BBS9: variants seen among roughly 807,000 people sequenced by gnomAD.
The protein encoded by BBS9 is protein PTHB1.
In BBS9, 89 loss-of-function variants were observed where a neutral mutation model predicts 117.7. The observed-to-expected ratio is 0.76, with a 90% CI of 0.64 to 0.90. The LOEUF (loss-of-function observed/expected upper bound fraction) is 0.90, where lower values mean the gene tolerates loss of function less well. Among genes scored for constraint, BBS9 ranks in the 40% least tolerant of loss-of-function variants. The pLI, the probability that BBS9 is intolerant of heterozygous loss-of-function variation, is 0.00. For synonymous variants in BBS9, 379 were observed against 370.9 expected (o/e 1.02, Z -0.25); for missense variants, 982 against 1,042.2 (o/e 0.94, Z 0.80).
At chr7:33,596,189 A>T (rs765755307) in intron 21 of BBS9, among the ~76,000 whole-genome samples, 17 of 127,244 alleles carry the variant, frequency 1.3e-4, no homozygotes, top group South Asian at 8.4e-4. Flanking sequence ...AAAGTAAAAT[A>T]AAAAAAAAAA....
intron 19 of BBS9, among the ~76,000 whole-genome samples, chr7:33,429,672 T>C (rs1834154232): frequency 6.6e-6 from 1 of 151,836 alleles, no homozygotes; most frequent in African/African-American, 2.4e-5. Context: ...TAAATTTATT[T>C]ATTTATTTTT....
At chr7:33,312,593 T>C (rs1340206859) in intron 9 of BBS9, among the ~76,000 whole-genome samples, 1 of 152,228 alleles carries the variant, frequency 6.6e-6, no homozygotes, top group Non-Finnish European at 1.5e-5. Flanking sequence ...AAAGGCCTTA[T>C]GCACCTTTCA....
intron 21 of BBS9, among the ~76,000 whole-genome samples, chr7:33,572,401 A>G (rs1050957920): frequency 6.6e-6 from 1 of 152,190 alleles, no homozygotes. Context: ...TGCAATAAAC[A>G]TGGGAATGCA....
chr7:33,606,105 A>G (rs1319014505), downstream of BBS9: 4 of 152,060 alleles, frequency 2.6e-5, no homozygotes, highest in Admixed American at 2.0e-4. Flanking sequence ...AAAGTTGTTC[A>G]TGGTTTTTCT....
At chr7:33,431,845 G>C (rs1352928646) in intron 19 of BBS9, among the ~76,000 whole-genome samples, 1 of 152,138 alleles carries the variant, frequency 6.6e-6, no homozygotes, top group African/African-American at 2.4e-5. Context: ...CACCATGAAT[G>C]TTCATACTTT....
At chr7:33,592,806 A>G (rs146884244) in intron 21 of BBS9, among the ~76,000 whole-genome samples, 478 of 152,234 alleles carry the variant, frequency 3.1e-3, no homozygotes, top group African/African-American at 0.011. Context: ...TTGGGGAATG[A>G]ATAGCCACTT....
chr7:33,155,134 T>G (rs943993867), intron 3 of BBS9, among the ~76,000 whole-genome samples: 1 of 152,262 alleles, frequency 6.6e-6, no homozygotes, highest in Non-Finnish European at 1.5e-5. Context: ...ATACTTGTAA[T>G]AAAATTTCAG....
At chr7:33,219,945 A>G (rs1428785735) in intron 5 of BBS9, among the ~76,000 whole-genome samples, 1 of 152,034 alleles carries the variant, frequency 6.6e-6, no homozygotes, top group African/African-American at 2.4e-5. Context: ...CTGCAGCTTC[A>G]CTCCTGAGCT....
In BBS9 at chr7:33,410,987, C is replaced by T. The variant is rs1322248578; in HGVS notation, c.2115+22843C>T. 4.1e-5 allele frequency among the ~76,000 whole-genome samples: 6 copies of T among 147,662 alleles called. No homozygotes were observed. In the Admixed American group the frequency reaches 4.1e-4, roughly 10 times the overall value. The stretch of plus-strand genomic sequence containing the variant: ...TATATATATAATCTTGGCCACAGAC[C>T]ACAGAAGAACTTAAAATGTTGGTGT... On this transcript the variant is annotated intron_variant, in intron 19 of 22. Coordinates refer to ENST00000242067, the MANE Select transcript of BBS9 (RefSeq NM_198428.3).
intron 19 of BBS9, among the ~76,000 whole-genome samples, chr7:33,393,795 C>G (rs1827477873): frequency 6.6e-6 from 1 of 152,158 alleles, no homozygotes; most frequent in Non-Finnish European, 1.5e-5. Flanking sequence ...GCAGTTAGCC[C>G]TCTCTTGGCC....
At position 33,597,941 on chromosome 7, in the gene BBS9, C is replaced by A. The variant is rs1387463894; in HGVS notation, c.2522-6924C>A. Among the ~76,000 whole-genome samples, 3 of 151,372 alleles carry A rather than the reference C, an allele frequency of 2.0e-5. No individual in the cohort carries two copies. In the East Asian group the frequency reaches 5.8e-4, roughly 29 times the overall value. ...GTGATAAAATGCACGGTGTGCTGAGCGTGATGCTAGGTTTACATGATCTCA... is the reference window on the plus strand; with the variant it reads ...GTGATAAAATGCACGGTGTGCTGAGAGTGATGCTAGGTTTACATGATCTCA... On this transcript the variant is annotated intron_variant, in intron 21 of 22. Coordinates refer to ENST00000242067, the MANE Select transcript of BBS9 (RefSeq NM_198428.3).
chr7:33,554,107 A>G (rs1854902976), intron 21 of BBS9, among the ~76,000 whole-genome samples: 1 of 152,062 alleles, frequency 6.6e-6, no homozygotes, highest in Non-Finnish European at 1.5e-5. Flanking sequence ...CATTCAAAAG[A>G]CACATGGTCT....
chr7:33,399,718 G>T (rs1828599473), intron 19 of BBS9, among the ~76,000 whole-genome samples: 2 of 152,156 alleles, frequency 1.3e-5, no homozygotes, highest in Non-Finnish European at 2.9e-5. Flanking sequence ...CTGGGGTGAG[G>T]TTGTTGCCCA....
chr7:33,135,347 T>G (rs1396665034), intron 1 of BBS9, among the ~76,000 whole-genome samples: 1 of 152,250 alleles, frequency 6.6e-6, no homozygotes, highest in African/African-American at 2.4e-5. Flanking sequence ...TTTGACATAT[T>G]TTGAGTTAAT....
At chr7:33,318,604 T>G (rs1011730282) in intron 9 of BBS9, among the ~76,000 whole-genome samples, 1 of 152,114 alleles carries the variant, frequency 6.6e-6, no homozygotes, top group Non-Finnish European at 1.5e-5. Context: ...TTTCCATAGG[T>G]TTTTGGGGAA....
chr7:33,410,548 T>C (rs1830931980), intron 19 of BBS9, among the ~76,000 whole-genome samples: 1 of 152,204 alleles, frequency 6.6e-6, no homozygotes, highest in South Asian at 2.1e-4. Flanking sequence ...AGATTGAGAC[T>C]CTCAGCTATG....
At chr7:33,591,949 T>C (rs1380262838) in intron 21 of BBS9, among the ~76,000 whole-genome samples, 1 of 152,108 alleles carries the variant, frequency 6.6e-6, no homozygotes, top group Non-Finnish European at 1.5e-5. Context: ...TTATCTATGA[T>C]AGTAGACTAT....
At chr7:33,383,936 G>A in intron 18 of BBS9, 98 bp downstream of exon 18, 1 of 1,262,010 alleles carries the variant, frequency 7.9e-7, no homozygotes, top group East Asian at 2.4e-5. Flanking sequence ...ATTAGGCTAT[G>A]TGCTTCTAGT....
chr7:33,556,648 T>C (rs1194820961), intron 21 of BBS9, among the ~76,000 whole-genome samples: 1 of 152,196 alleles, frequency 6.6e-6, no homozygotes, highest in African/African-American at 2.4e-5. Context: ...ACATATGAGC[T>C]ATTCACATTT....
Sources: allele counts gnomAD v4.1 joint callset (sites outside exome capture counted in the v4.1 genomes callset), GRCh38; gene constraint gnomAD v4.1.1; transcripts MANE v1.5; gene names NCBI Gene and HGNC (gene_info 2026-07-23, HGNC 2026-07-21).